SPAG9: variants seen among roughly 807,000 people sequenced by gnomAD.
SPAG9 encodes the protein sperm associated antigen 9.
In SPAG9, 35 loss-of-function variants were observed where a neutral mutation model predicts 166.5. That is an observed-to-expected ratio of 0.21 (90% confidence interval 0.16 to 0.28). The LOEUF (loss-of-function observed/expected upper bound fraction) is 0.28, where lower values mean the gene tolerates loss of function less well. Among genes scored for constraint, SPAG9 ranks in the 10% least tolerant of loss-of-function variants. The pLI, the probability that SPAG9 is intolerant of heterozygous loss-of-function variation, is 1.00. For missense variants in SPAG9, 1,235 were observed against 1,603.3 expected, an observed-to-expected ratio of 0.77 and a Z score of 3.92; for synonymous variants, 534 against 565.5, an observed-to-expected ratio of 0.94 and a Z score of 0.79.
At chr17:51,063,229 C>T (rs534239568) in intron 2 of SPAG9, among the ~76,000 whole-genome samples, 23 of 149,674 alleles carry the variant, frequency 1.5e-4, no homozygotes, top group African/African-American at 3.7e-4. Flanking sequence ...GCCAACATGG[C>T]GAAACCCCAT....
chr17:50,989,864 C>T lies in SPAG9; in HGVS notation c.2626G>A (p.Ala876Thr). Residue 876 changes from alanine (A) to threonine (T), a missense_variant, in exon 21 of 30, where the codon GCA (alanine) becomes ACA (threonine). Physicochemically the swap from Ala to Thr is moderately conservative, Grantham distance 58. Transcript: ENST00000262013. ...PVMDKPPEME[A>T]ENSEVDENVP... ...TTTTCATCAACCTCACTATTTTCTG[C>T]TTCCATTTCTACAAAGTAAATAAAA... 1 of 1,613,996 alleles carries T rather than the reference C, an allele frequency of 6.2e-7. No individual in the cohort carries two copies. The highest frequency in any genetic ancestry group is 8.5e-7 in the Non-Finnish European group (1 of 1,179,852).
chr17:51,014,460 T>C, intron 8 of SPAG9, 107 bp from the exon 9 acceptor site: 1 of 843,486 alleles, frequency 1.2e-6, no homozygotes, highest in Non-Finnish European at 1.7e-6. Context: ...TTACCTATAA[T>C]TTACGTTTAC....
In SPAG9 at chr17:51,027,756, CAATT is replaced by C. The variant is rs2144259231; in HGVS notation, c.783+3921_783+3924del. Among the ~76,000 whole-genome samples, 4 of 152,190 alleles carry C rather than the reference CAATT, an allele frequency of 2.6e-5. No individual in the cohort carries two copies. In the East Asian group the frequency reaches 7.7e-4, roughly 29 times the overall value. ...GTACATAATACTTGATAATGATAAA[CAATT>C]ATGTCACTGGTTTATGTATTTACTA... is the stretch of plus-strand genomic sequence containing the variant. On this transcript the variant is annotated intron_variant, in intron 6 of 29. Transcript: ENST00000262013.
In SPAG9 at chr17:51,039,168, C is replaced by T. The variant is rs1466398511; in HGVS notation, c.741+2333G>A. The stretch of plus-strand genomic sequence containing the variant: ...AACACTAACATTAATTATAAATTTA[C>T]ACCTTCCATTTTTTCATAATGAAGT... On this transcript the variant is annotated intron_variant, in intron 5 of 29. Transcript: ENST00000262013. Among the ~76,000 whole-genome samples, 4 of 152,174 alleles carry T rather than the reference C, an allele frequency of 2.6e-5. No homozygotes were observed. The East Asian group carries it at 7.7e-4, about 29-fold the overall frequency.
intron 2 of SPAG9, among the ~76,000 whole-genome samples, chr17:51,067,461 A>C (rs2047705436): frequency 6.6e-6 from 1 of 152,214 alleles, no homozygotes; most frequent in Admixed American, 6.5e-5. Context: ...AGTACCATGA[A>C]GTTAACCTAT....
chr17:51,007,937 T>C (rs963675213), intron 9 of SPAG9: 4 of 392,132 alleles, frequency 1.0e-5, no homozygotes, highest in African/African-American at 4.2e-5. Context: ...AGATTATTAA[T>C]CTATAAAGTT....
At chr17:51,112,215 TA>T in intron 1 of SPAG9, among the ~76,000 whole-genome samples, 1 of 151,958 alleles carries the variant, frequency 6.6e-6, no homozygotes, top group East Asian at 1.9e-4. Flanking sequence ...CTACTCTGGC[TA>T]GGGGCAGTGT....
At chr17:51,009,160 G>A in intron 9 of SPAG9, 1 of 452,522 alleles carries the variant, frequency 2.2e-6, no homozygotes, top group East Asian at 7.0e-5. Context: ...AGCAGCCCAA[G>A]AGAAAAATGA....
Position 51,031,925 on chromosome 17 carries a change from A to G in SPAG9, c.742-203T>C, listed in dbSNP as rs1598042378. ...TAGTTTAAGTAATATCATGGTTCAGAAGCCACCACTTGGATCAGTGTCTTA... is the reference window on the plus strand; with the variant it reads ...TAGTTTAAGTAATATCATGGTTCAGGAGCCACCACTTGGATCAGTGTCTTA... On this transcript the variant is annotated intron_variant, in intron 5 of 29. Coordinates refer to ENST00000262013, the MANE Select transcript of SPAG9 (RefSeq NM_001130528.3). 5.9e-6 allele frequency: 4 copies of G among 672,628 alleles called. No individual in the cohort carries two copies. In the East Asian group the frequency reaches 1.2e-4, roughly 19 times the overall value. The allele number at this position is 672,628 out of a possible 1,614,324, so 41.7% of individuals were successfully genotyped here.
At position 50,966,142 on chromosome 17, in the gene SPAG9, T is replaced by C. The variant is rs1973349865; in HGVS notation, c.*130A>G. ...TAGAACGGATTTTGTAATATAAAGT[T>C]AACAGGAAAAAATGCTCACACATTA... On this transcript the variant is annotated 3_prime_UTR_variant, in exon 30 of 30. Transcript: ENST00000262013. 1 of 697,554 alleles carries C rather than the reference T, an allele frequency of 1.4e-6. No homozygotes were observed. Among genetic ancestry groups the C allele is most frequent in the Non-Finnish European group, 2.6e-6 (1 of 386,766 alleles). 43.2% of individuals were successfully genotyped at this position (697,554 alleles called of 1,614,324 possible).
chr17:51,009,621 AT>A (rs1250335151), intron 9 of SPAG9, among the ~76,000 whole-genome samples: 2 of 152,114 alleles, frequency 1.3e-5, no homozygotes, highest in East Asian at 3.9e-4. Context: ...TTGTACTTCT[AT>A]TGTTGGTCTT....
At chr17:51,046,885 C>A (rs750141002) in intron 4 of SPAG9, 2 of 1,522,828 alleles carry the variant, frequency 1.3e-6, no homozygotes, top group South Asian at 2.4e-5. Context: ...ATGCAGCAAC[C>A]CCAAGCGACA....
intron 4 of SPAG9, chr17:51,046,790 C>T: frequency 6.5e-7 from 1 of 1,534,398 alleles, no homozygotes; most frequent in Non-Finnish European, 8.7e-7. Flanking sequence ...AGCAGCTTTC[C>T]ACTCCATCCT....
chr17:51,073,748 A>C (rs1418269338), intron 2 of SPAG9, among the ~76,000 whole-genome samples: 1 of 152,226 alleles, frequency 6.6e-6, no homozygotes, highest in Non-Finnish European at 1.5e-5. Context: ...AAAACAATTC[A>C]CTAGAAAAGA....
At chr17:51,015,180 G>A (rs1360092592) in intron 8 of SPAG9, among the ~76,000 whole-genome samples, 1 of 152,194 alleles carries the variant, frequency 6.6e-6, no homozygotes, top group African/African-American at 2.4e-5. Flanking sequence ...ACAGTAGAAA[G>A]TGATTCAATA....
At position 51,021,385 on chromosome 17, in the gene SPAG9, A is replaced by T; in HGVS notation, c.784-20T>A. 1 of 1,563,002 alleles carries T rather than the reference A, an allele frequency of 6.4e-7. No homozygotes were observed. Among genetic ancestry groups the T allele is most frequent in the Non-Finnish European group, 8.7e-7 (1 of 1,153,370 alleles). Reference sequence around the variant, plus strand: ...CTCATCCTACAAATAAAAATAATTTAAAATAAAATTTTAAATGACGAATTT... The same window carrying T: ...CTCATCCTACAAATAAAAATAATTTTAAATAAAATTTTAAATGACGAATTT... On this transcript the variant is annotated intron_variant, in intron 6 of 29. Coordinates refer to ENST00000262013, the MANE Select transcript of SPAG9 (RefSeq NM_001130528.3).
chr17:51,053,912 A>G (rs1447335957), intron 3 of SPAG9, among the ~76,000 whole-genome samples: 1 of 125,894 alleles, frequency 7.9e-6, no homozygotes, highest in Non-Finnish European at 1.7e-5. Flanking sequence ...ACATATATGT[A>G]TTTATAATTA....
intron 3 of SPAG9, among the ~76,000 whole-genome samples, chr17:51,055,163 C>T (rs557796229): frequency 2.0e-5 from 3 of 152,174 alleles, no homozygotes; most frequent in Middle Eastern, 3.4e-3. Context: ...GCCTGGCCAA[C>T]GTGGAGAAAC....
At chr17:51,038,540 G>A (rs1005110676) in intron 5 of SPAG9, among the ~76,000 whole-genome samples, 2 of 152,178 alleles carry the variant, frequency 1.3e-5, no homozygotes. Context: ...TGGCACCCTT[G>A]ACAGAAGGCA....
Sources: allele counts gnomAD v4.1 joint callset (sites outside exome capture counted in the v4.1 genomes callset), GRCh38; gene constraint gnomAD v4.1.1; transcripts MANE v1.5; gene names NCBI Gene and HGNC (gene_info 2026-07-23, HGNC 2026-07-21).